Variants in TMED3 observed in about 807,000 individuals in gnomAD.
TMED3 encodes the protein transmembrane p24 trafficking protein 3, also known as transmembrane emp24 domain-containing protein 3.
Under a neutral mutation model 15.0 loss-of-function variants are expected in TMED3, and 9 were observed. The observed-to-expected ratio is 0.60, with a 90% confidence interval of 0.36 to 1.04. TMED3 has a LOEUF of 1.04. Ranked by LOEUF, TMED3 falls within the 50% of genes least tolerant of loss-of-function variation. The pLI is 0.01. For synonymous variants in TMED3, 117 were observed against 121.4 expected, an observed-to-expected ratio of 0.96 and a Z score of 0.24; for missense variants, 267 against 278.9, an observed-to-expected ratio of 0.96 and a Z score of 0.30.
intron 2 of TMED3, among the ~76,000 whole-genome samples, chr15:79,400,617 AGT>A (rs933324768): frequency 7.9e-5 from 12 of 152,240 alleles, no homozygotes; most frequent in African/African-American, 2.9e-4. Context: ...GAGACAGGAA[AGT>A]AGGAGAGTAA....
At chr15:79,351,823 C>G (rs1379015102) in intron 2 of TMED3, among the ~76,000 whole-genome samples, 1 of 152,058 alleles carries the variant, frequency 6.6e-6, no homozygotes, top group Non-Finnish European at 1.5e-5. Flanking sequence ...TAGAACCAGC[C>G]CAAGTGCCTC....
chr15:79,335,867 A>G (rs1200692321), intron 2 of TMED3, among the ~76,000 whole-genome samples: 1 of 152,224 alleles, frequency 6.6e-6, no homozygotes, highest in African/African-American at 2.4e-5. Context: ...AGTTCTTGCT[A>G]GGCACCAACC....
intron 2 of TMED3, among the ~76,000 whole-genome samples, chr15:79,369,093 T>TA (rs34005997): frequency 0.011 from 1,451 of 128,630 alleles, 14 homozygotes; most frequent in African/African-American, 0.039. Context: ...GACTCTGTCT[T>TA]AAAAAAAAAA....
chr15:79,385,737 C>T (rs775323199), intron 2 of TMED3, among the ~76,000 whole-genome samples: 39 of 152,146 alleles, frequency 2.6e-4, no homozygotes, highest in Non-Finnish European at 5.1e-4. Context: ...CTCCCTAGAG[C>T]GGGAGGCCTG....
At chr15:79,388,422 G>GTT (rs796078138) in intron 2 of TMED3, among the ~76,000 whole-genome samples, 3 of 142,486 alleles carry the variant, frequency 2.1e-5, no homozygotes, top group African/African-American at 7.5e-5. Context: ...GGAGAATTAT[G>GTT]TTTTTTTTTT....
chr15:79,406,953 T>A (rs535372730), intron 2 of TMED3, among the ~76,000 whole-genome samples: 16 of 152,346 alleles, frequency 1.1e-4, no homozygotes, highest in African/African-American at 3.8e-4. Flanking sequence ...TCCAGGCCAA[T>A]GGAAGACAGT....
At chr15:79,365,212 G>A (rs778051591) in intron 2 of TMED3, among the ~76,000 whole-genome samples, 2 of 152,208 alleles carry the variant, frequency 1.3e-5, no homozygotes, top group Non-Finnish European at 2.9e-5. Context: ...AAAAAGACAG[G>A]ACAGCTCAAA....
chr15:79,317,288 A>T (rs1292267496), intron 2 of TMED3, among the ~76,000 whole-genome samples: 1 of 151,980 alleles, frequency 6.6e-6, no homozygotes, highest in African/African-American at 2.4e-5. Context: ...TATCTGACTC[A>T]TCCTCTGTCT....
chr15:79,372,368 A>G (rs1319212106), intron 2 of TMED3, among the ~76,000 whole-genome samples: 1 of 152,112 alleles, frequency 6.6e-6, no homozygotes, highest in Non-Finnish European at 1.5e-5. Context: ...TCTCTGCAGA[A>G]TTTTCTGTAA....
intron 2 of TMED3, among the ~76,000 whole-genome samples, chr15:79,360,802 A>G (rs775986431): frequency 2.0e-5 from 3 of 152,210 alleles, no homozygotes; most frequent in Non-Finnish European, 4.4e-5. Context: ...ACAGTATGCT[A>G]CAGAATCACT....
At chr15:79,338,323 G>A (rs193201039) in intron 2 of TMED3, among the ~76,000 whole-genome samples, 1 of 152,202 alleles carries the variant, frequency 6.6e-6, no homozygotes, top group East Asian at 1.9e-4. Context: ...CAGATATGTG[G>A]GTGTTTGTTA....
At chr15:79,346,864 A>G (rs1362083030) in intron 2 of TMED3, among the ~76,000 whole-genome samples, 1 of 152,116 alleles carries the variant, frequency 6.6e-6, no homozygotes, top group Non-Finnish European at 1.5e-5. Flanking sequence ...ATCAATAATG[A>G]GCTCTGAAAT....
chr15:79,375,725 A>C (rs181023127), intron 2 of TMED3, among the ~76,000 whole-genome samples: 1 of 152,300 alleles, frequency 6.6e-6, no homozygotes, highest in Admixed American at 6.5e-5. Flanking sequence ...TAAATCATTC[A>C]TAAGAACTCC....
intron 2 of TMED3, among the ~76,000 whole-genome samples, chr15:79,343,705 C>T (rs201417952): frequency 6.6e-6 from 1 of 152,064 alleles, no homozygotes; most frequent in Non-Finnish European, 1.5e-5. Context: ...ATTCAACCAA[C>T]TGGAGAGGTG....
At chr15:79,404,868 A>G (rs1256569960) in intron 2 of TMED3, among the ~76,000 whole-genome samples, 1 of 152,220 alleles carries the variant, frequency 6.6e-6, no homozygotes, top group Admixed American at 6.5e-5. Flanking sequence ...TAGCATCAAC[A>G]TAAGTGAGCC....
intron 2 of TMED3, among the ~76,000 whole-genome samples, chr15:79,366,075 G>A (rs1567033654): frequency 6.6e-6 from 1 of 152,150 alleles, no homozygotes; most frequent in Non-Finnish European, 1.5e-5. Flanking sequence ...AACAAAAAGA[G>A]GGTGAGATAA....
At position 79,311,319 on chromosome 15, in the gene TMED3, C is replaced by T; in HGVS notation, c.70C>T (p.Pro24Ser). ...LLLLLRRAEQ[P>S]CGAELTFELP... ...GCTGCTCCTGCGCCGGGCCGAGCAG[C>T]CCTGCGGGGCCGAGCTCACCTTCGA... The change falls in exon 1 of 3, where the codon CCC (proline) becomes TCC (serine). Residue 24 changes from proline to serine, a missense_variant. Physicochemically the swap from Pro to Ser is moderately conservative, Grantham distance 74 (BLOSUM62 -1). Transcript: ENST00000299705. The T allele has an allele frequency of 1.2e-6, 2 of 1,609,598 alleles. No homozygotes were observed. Among genetic ancestry groups the T allele is most frequent in the Non-Finnish European group, 8.5e-7 (1 of 1,178,614 alleles).
intron 2 of TMED3, among the ~76,000 whole-genome samples, chr15:79,344,803 T>C (rs8029101): frequency 0.094 from 14,278 of 152,148 alleles, 705 homozygotes; most frequent in Admixed American, 0.12. Flanking sequence ...GTACGAAACA[T>C]TGGAGGCAAA....
intron 2 of TMED3, among the ~76,000 whole-genome samples, chr15:79,333,649 A>G (rs868042444): frequency 6.6e-5 from 10 of 152,224 alleles, no homozygotes; most frequent in Non-Finnish European, 1.5e-4. Context: ...CAAGAACTTG[A>G]TAAGACTTTC....
Sources: gnomAD v4.1 joint callset for allele counts (sites outside exome capture counted in the v4.1 genomes callset) on GRCh38, gnomAD v4.1.1 for gene constraint, MANE v1.5 for transcripts, NCBI Gene and HGNC (gene_info 2026-07-23, HGNC 2026-07-21) for gene names.